The following KPNA3 variants were observed in gnomAD, a reference collection of about 807,000 sequenced individuals.
KPNA3 encodes the protein karyopherin subunit alpha 3.
KPNA3 carries 13 observed loss-of-function variants against 73.8 expected under a neutral mutation model. The observed-to-expected ratio is 0.18, with a 90% CI of 0.11 to 0.28. The LOEUF (loss-of-function observed/expected upper bound fraction) is 0.28. KPNA3 is among the 10% of genes least tolerant of loss of function. The probability of loss-of-function intolerance (pLI) is 1.00; values close to 1 mark genes in which losing one functional copy is unlikely to be tolerated. For missense variants in KPNA3, 360 were observed against 618.1 expected (o/e 0.58, Z 4.43); for synonymous variants, 186 against 206.9 (o/e 0.90, Z 0.87).
At chr13:49,762,080 C>G (rs1229624922) in intron 1 of KPNA3, among the ~76,000 whole-genome samples, 1 of 151,632 alleles carries the variant, frequency 6.6e-6, no homozygotes, top group Admixed American at 6.6e-5. Context: ...CATCTCCGCC[C>G]GGCAGACGCC....
intron 6 of KPNA3, among the ~76,000 whole-genome samples, chr13:49,727,788 A>C (rs985073992): frequency 2.6e-5 from 4 of 152,208 alleles, no homozygotes; most frequent in Middle Eastern, 3.2e-3. Flanking sequence ...TAGAAGAGCA[A>C]CATGAATCCT....
intron 1 of KPNA3, among the ~76,000 whole-genome samples, chr13:49,782,064 A>C (rs1594464143): frequency 6.6e-6 from 1 of 152,326 alleles, no homozygotes; most frequent in East Asian, 1.9e-4. Context: ...TTTAAATGCC[A>C]GGGACAAATT....
At chr13:49,761,847 A>C (rs1378392588) in intron 1 of KPNA3, among the ~76,000 whole-genome samples, 79 of 140,334 alleles carry the variant, frequency 5.6e-4, no homozygotes, top group African/African-American at 2.1e-3. Flanking sequence ...GCCTCTGCCC[A>C]GACGCCCCGT....
rs200249744 is a variant in KPNA3, at chr13:49,725,406, A to G, written c.469+10T>C. The G allele has an allele frequency of 1.3e-5, 20 of 1,562,212 alleles. No homozygotes were observed. Among genetic ancestry groups the G allele is most frequent in the Non-Finnish European group, 8.7e-7 (1 of 1,145,840 alleles). On this transcript the variant is annotated intron_variant, in intron 7 of 16. Coordinates refer to ENST00000261667, the MANE Select transcript of KPNA3 (RefSeq NM_002267.4). Reference sequence around the variant, plus strand: ...ACACAAAAAGTTCAGACAGTAAGGAATTTACTTACTAGACTGCACAACAGC... The same window carrying G: ...ACACAAAAAGTTCAGACAGTAAGGAGTTTACTTACTAGACTGCACAACAGC...
chr13:49,732,852 A>G (rs1210124291), intron 3 of KPNA3, 76 bp from the exon 4 acceptor site: 1 of 1,310,040 alleles, frequency 7.6e-7, no homozygotes, highest in African/African-American at 1.5e-5. Context: ...ACCTGAGTTA[A>G]TATACTTTCA....
intron 1 of KPNA3, among the ~76,000 whole-genome samples, chr13:49,757,253 C>A (rs1954719371): frequency 8.3e-6 from 1 of 119,804 alleles, no homozygotes. Context: ...AAAAGAGAAG[C>A]TAGAGACTAA....
chr13:49,732,178 T>A (rs1227045200), intron 6 of KPNA3, among the ~76,000 whole-genome samples, 193 bp downstream of exon 6: 1 of 152,140 alleles, frequency 6.6e-6, no homozygotes, highest in Non-Finnish European at 1.5e-5. Context: ...AACATACACA[T>A]CCTTCAGAAA....
rs1954130860 is a variant in KPNA3 at position 49,699,719 on chromosome 13, A to G, written c.*2081T>C. ...GTGCAAATTTTAAAAGGTAACTGTC[A>G]GTTAAGTAAGGAAAGTCCAGAAGAA... On this transcript the variant is annotated 3_prime_UTR_variant, in exon 17 of 17. Transcript: ENST00000261667. The G allele has an allele frequency of 2.0e-5, 3 of 152,686 alleles. No individual in the cohort carries two copies. Among genetic ancestry groups the G allele is most frequent in the Admixed American group, 2.0e-4 (3 of 15,286 alleles). 9.5% of individuals were successfully genotyped at this position (152,686 alleles called of 1,614,324 possible).
intron 7 of KPNA3, among the ~76,000 whole-genome samples, chr13:49,724,945 T>C (rs1465241708): frequency 6.6e-6 from 1 of 152,176 alleles, no homozygotes; most frequent in African/African-American, 2.4e-5. Context: ...TACTGCCATA[T>C]CACATGCTAC....
chr13:49,788,717 C>CTT (rs143440962), intron 1 of KPNA3, among the ~76,000 whole-genome samples: 24 of 112,666 alleles, frequency 2.1e-4, no homozygotes, highest in African/African-American at 7.6e-4. Context: ...GCCAGACCCT[C>CTT]TTTTTTTTTT....
intron 11 of KPNA3, among the ~76,000 whole-genome samples, chr13:49,710,611 G>C (rs563418137): frequency 3.9e-4 from 60 of 152,348 alleles, no homozygotes; most frequent in African/African-American, 1.3e-3. Flanking sequence ...GTTTGTGGGA[G>C]ATGATCGTTT....
intron 1 of KPNA3, among the ~76,000 whole-genome samples, chr13:49,749,800 A>G (rs1463204188): frequency 6.6e-6 from 1 of 152,224 alleles, no homozygotes; most frequent in Non-Finnish European, 1.5e-5. Context: ...CCACTTATTC[A>G]CCCGAAAGAA....
At chr13:49,713,995 C>T (rs866354785) in intron 10 of KPNA3, among the ~76,000 whole-genome samples, 14 of 152,268 alleles carry the variant, frequency 9.2e-5, no homozygotes, top group African/African-American at 3.1e-4. Context: ...TGAGCCAAAA[C>T]GCCTGGCCTA....
intron 2 of KPNA3, among the ~76,000 whole-genome samples, chr13:49,742,918 A>G (rs1954585934): frequency 6.6e-6 from 1 of 152,100 alleles, no homozygotes. Context: ...ATAAGTGCAT[A>G]TTTTTAGAGA....
intron 1 of KPNA3, among the ~76,000 whole-genome samples, chr13:49,770,426 T>G (rs1008362299): frequency 3.9e-5 from 6 of 152,240 alleles, no homozygotes; most frequent in African/African-American, 1.4e-4. Context: ...TTCTCCCACC[T>G]TGGCCTCCCA....
At chr13:49,775,570 A>T (rs1479881597) in intron 1 of KPNA3, among the ~76,000 whole-genome samples, 1 of 152,124 alleles carries the variant, frequency 6.6e-6, no homozygotes, top group African/African-American at 2.4e-5. Flanking sequence ...ATACATCTTC[A>T]TCAAACCATG....
At chr13:49,779,863 G>A (rs574801643) in intron 1 of KPNA3, among the ~76,000 whole-genome samples, 5 of 152,136 alleles carry the variant, frequency 3.3e-5, no homozygotes, top group African/African-American at 1.2e-4. Context: ...ACAATGAATG[G>A]CTTATTGTAA....
At chr13:49,747,062 C>G in intron 1 of KPNA3, 69 bp from the exon 2 acceptor site, 1 of 1,199,804 alleles carries the variant, frequency 8.3e-7, no homozygotes, top group South Asian at 1.3e-5. Flanking sequence ...AAGATCTCAG[C>G]TGGGTGCAGT....
In KPNA3 at chr13:49,727,953, C is replaced by G. The variant is rs183180615; in HGVS notation, c.384-2452G>C. ...TAACTCCTTTTAAGAAGGGACAAGT[C>G]GGCCGGGCATGGTGGCTCACGCCTG... On this transcript the variant is annotated intron_variant, in intron 6 of 16. Coordinates refer to ENST00000261667, the MANE Select transcript of KPNA3 (RefSeq NM_002267.4). 1.5e-3 allele frequency among the ~76,000 whole-genome samples: 231 copies of G among 152,160 alleles called. 1 individual carries two copies. The highest frequency in any genetic ancestry group is 5.1e-3 in the African/African-American group (212 of 41,532).
Sources: allele counts gnomAD v4.1 joint callset (sites outside exome capture counted in the v4.1 genomes callset), GRCh38; gene constraint gnomAD v4.1.1; transcripts MANE v1.5; gene names NCBI Gene and HGNC (gene_info 2026-07-23, HGNC 2026-07-21).